NALF1: variants seen among roughly 807,000 people sequenced by gnomAD.
The protein encoded by NALF1 is NALCN channel auxiliary factor 1.
Under a neutral mutation model 48.4 loss-of-function variants are expected in NALF1, and 3 were observed. The ratio of observed to expected loss-of-function variants is 0.06; its 90% confidence interval spans 0.03 to 0.16. The LOEUF (loss-of-function observed/expected upper bound fraction) is 0.16, where lower values mean the gene tolerates loss of function less well. Among genes scored for constraint, NALF1 ranks in the 10% least tolerant of loss-of-function variants. The probability of loss-of-function intolerance (pLI) is 1.00; values close to 1 mark genes in which losing one functional copy is unlikely to be tolerated. For missense variants in NALF1, 526 were observed against 571.5 expected, an observed-to-expected ratio of 0.92 and a Z score of 0.81; for synonymous variants, 262 against 245.7, an observed-to-expected ratio of 1.07 and a Z score of -0.62.
intron 1 of NALF1, among the ~76,000 whole-genome samples, chr13:107,453,891 G>C (rs915740550): frequency 3.3e-5 from 5 of 152,114 alleles, no homozygotes; most frequent in African/African-American, 1.2e-4. Context: ...TCTCTCACAA[G>C]ATACCCTAAA....
At chr13:107,481,835 T>C (rs1468143304) in intron 1 of NALF1, among the ~76,000 whole-genome samples, 2 of 152,146 alleles carry the variant, frequency 1.3e-5, no homozygotes, top group African/African-American at 2.4e-5. Flanking sequence ...TCCAATATAC[T>C]GTAGTCTTTA....
chr13:107,373,176 C>T (rs1048642371), intron 1 of NALF1, among the ~76,000 whole-genome samples: 8 of 152,152 alleles, frequency 5.3e-5, no homozygotes, highest in African/African-American at 1.9e-4. Context: ...TGTTGGGTCC[C>T]TGTTCTCTCT....
At chr13:107,559,251 G>A (rs944318011) in intron 1 of NALF1, among the ~76,000 whole-genome samples, 3 of 152,070 alleles carry the variant, frequency 2.0e-5, no homozygotes, top group African/African-American at 7.2e-5. Context: ...AAGTTTGCAT[G>A]GTATAAAAGA....
chr13:107,450,015 G>C (rs980073415), intron 1 of NALF1, among the ~76,000 whole-genome samples: 2 of 152,084 alleles, frequency 1.3e-5, no homozygotes, highest in African/African-American at 2.4e-5. Context: ...GAAGAGGTGG[G>C]GGTGGATAAA....
intron 1 of NALF1, among the ~76,000 whole-genome samples, chr13:107,604,002 T>A (rs1360008368): frequency 2.0e-5 from 3 of 152,192 alleles, no homozygotes; most frequent in Admixed American, 2.0e-4. Flanking sequence ...AAAGTCATTC[T>A]CAATTTCGGA....
intron 1 of NALF1, among the ~76,000 whole-genome samples, chr13:107,345,740 A>T (rs981541997): frequency 6.6e-6 from 1 of 152,232 alleles, no homozygotes; most frequent in Non-Finnish European, 1.5e-5. Flanking sequence ...ATGATTTATT[A>T]ACTGTAACTC....
At chr13:107,658,918 G>T (rs1421243778) in intron 1 of NALF1, among the ~76,000 whole-genome samples, 1 of 152,030 alleles carries the variant, frequency 6.6e-6, no homozygotes, top group African/African-American at 2.4e-5. Flanking sequence ...AGTCAAGGAA[G>T]GTAGTGACCT....
chr13:107,298,207 G>A (rs1353110172), intron 1 of NALF1, among the ~76,000 whole-genome samples: 3 of 151,450 alleles, frequency 2.0e-5, no homozygotes, highest in East Asian at 2.0e-4. Context: ...AAAATTAGCC[G>A]GGTGTGTTGG....
intron 1 of NALF1, among the ~76,000 whole-genome samples, chr13:107,615,454 T>C (rs763401416): frequency 6.6e-6 from 1 of 152,192 alleles, no homozygotes; most frequent in Non-Finnish European, 1.5e-5. Context: ...CCTGCATGAA[T>C]TCACAAGGTC....
At chr13:107,662,196 T>C (rs1880749138) in intron 1 of NALF1, among the ~76,000 whole-genome samples, 1 of 152,178 alleles carries the variant, frequency 6.6e-6, no homozygotes, top group African/African-American at 2.4e-5. Context: ...TCCCTTGGTG[T>C]CCCCTGGCCT....
At chr13:107,578,471 C>G (rs1030640687) in intron 1 of NALF1, among the ~76,000 whole-genome samples, 1 of 152,136 alleles carries the variant, frequency 6.6e-6, no homozygotes, top group Non-Finnish European at 1.5e-5. Context: ...CTCTCTTATA[C>G]TTACTTGAAT....
intron 1 of NALF1, among the ~76,000 whole-genome samples, chr13:107,720,146 T>C (rs1488894414): frequency 6.6e-6 from 1 of 152,196 alleles, no homozygotes; most frequent in East Asian, 1.9e-4. Context: ...AACTTGCCAC[T>C]CATTAAACAT....
In NALF1 at chr13:107,170,793, G is replaced by A. The variant is rs1478427985; in HGVS notation, c.1088-7C>T. On this transcript the variant is annotated splice_polypyrimidine_tract_variant and splice_region_variant and intron_variant, in intron 2 of 2. Coordinates refer to ENST00000375915, the MANE Select transcript of NALF1 (RefSeq NM_001080396.3). ...AGAAAGGTTTCATAAAGCCCTGTAG[G>A]AAGAAGGAAGTAGAGTGTCAGCAGG... is the stretch of plus-strand genomic sequence containing the variant. 1 of 1,612,974 alleles carries A rather than the reference G, an allele frequency of 6.2e-7. No homozygotes were observed. The highest frequency in any genetic ancestry group is 1.1e-5 in the South Asian group (1 of 91,042).
intron 1 of NALF1, among the ~76,000 whole-genome samples, chr13:107,619,003 A>G (rs992711282): frequency 2.0e-5 from 3 of 152,214 alleles, no homozygotes; most frequent in Non-Finnish European, 2.9e-5. Context: ...GTTACACAGA[A>G]CTTACTGTGA....
chr13:107,286,862 A>G (rs1881505158), intron 1 of NALF1, among the ~76,000 whole-genome samples: 1 of 152,240 alleles, frequency 6.6e-6, no homozygotes, highest in Non-Finnish European at 1.5e-5. Context: ...CCATAGGGAT[A>G]GAGAATGCAT....
At chr13:107,739,649 CT>C (rs2138543010) in intron 1 of NALF1, among the ~76,000 whole-genome samples, 1 of 152,148 alleles carries the variant, frequency 6.6e-6, no homozygotes, top group African/African-American at 2.4e-5. Context: ...TTATTAAGAC[CT>C]CAAGAAACTG....
chr13:107,685,164 A>C (rs571988715), intron 1 of NALF1, among the ~76,000 whole-genome samples: 1 of 152,248 alleles, frequency 6.6e-6, no homozygotes, highest in South Asian at 2.1e-4. Flanking sequence ...AATACAAAAA[A>C]TTAGCCAGGC....
intron 1 of NALF1, among the ~76,000 whole-genome samples, chr13:107,469,893 G>A (rs909964470): frequency 1.3e-5 from 2 of 151,692 alleles, no homozygotes; most frequent in Non-Finnish European, 2.9e-5. Flanking sequence ...ACAGGTGCCT[G>A]CCACCACGCC....
At chr13:107,279,593 T>C (rs1372781840) in intron 1 of NALF1, among the ~76,000 whole-genome samples, 1 of 152,126 alleles carries the variant, frequency 6.6e-6, no homozygotes, top group African/African-American at 2.4e-5. Flanking sequence ...TCTCCAGAGA[T>C]ATTCTTGATC....
Sources: gnomAD v4.1 joint callset for allele counts (sites outside exome capture counted in the v4.1 genomes callset) on GRCh38, gnomAD v4.1.1 for gene constraint, MANE v1.5 for transcripts, NCBI Gene and HGNC (gene_info 2026-07-23, HGNC 2026-07-21) for gene names.